KAZN: variants seen among roughly 807,000 people sequenced by gnomAD.
KAZN encodes the protein kazrin, periplakin interacting protein.
Under a neutral mutation model 87.4 loss-of-function variants are expected in KAZN, and 40 were observed. That is an observed-to-expected ratio of 0.46 (90% CI 0.36 to 0.60). KAZN has a LOEUF of 0.60. KAZN is among the 20% of genes least tolerant of loss of function. KAZN has a pLI of 0.00. For missense variants in KAZN, 898 were observed against 1,073.9 expected (o/e 0.84, Z 2.29); for synonymous variants, 466 against 458.3 (o/e 1.02, Z -0.22).
chr1:14,911,970 G>A (rs1038436361), intron 1 of KAZN, among the ~76,000 whole-genome samples: 3 of 151,980 alleles, frequency 2.0e-5, no homozygotes, highest in Non-Finnish European at 4.4e-5. Flanking sequence ...TGTCCAATAT[G>A]ATGGCACGTT....
chr1:14,361,715 C>T (rs906559066), intron 2 of KAZN, among the ~76,000 whole-genome samples: 1 of 152,250 alleles, frequency 6.6e-6, no homozygotes, highest in Non-Finnish European at 1.5e-5. Flanking sequence ...GTGGGCTGCA[C>T]CCACTGTCTG....
At chr1:14,757,496 G>A (rs1644602737) in intron 1 of KAZN, among the ~76,000 whole-genome samples, 1 of 152,178 alleles carries the variant, frequency 6.6e-6, no homozygotes, top group Non-Finnish European at 1.5e-5. Context: ...CTGAGCTTTA[G>A]TTTCCTCATC....
intron 2 of KAZN, among the ~76,000 whole-genome samples, chr1:14,524,756 T>C (rs980894428): frequency 6.6e-6 from 1 of 152,200 alleles, no homozygotes; most frequent in Non-Finnish European, 1.5e-5. Flanking sequence ...ATGTGAACAG[T>C]ACCTAAGGGG....
At chr1:15,010,865 T>A (rs1315517422) in intron 2 of KAZN, among the ~76,000 whole-genome samples, 1 of 152,178 alleles carries the variant, frequency 6.6e-6, no homozygotes, top group African/African-American at 2.4e-5. Context: ...ACTGGTAGAA[T>A]TCAAAAACGA....
chr1:14,403,280 A>G (rs1663572453), intron 2 of KAZN, among the ~76,000 whole-genome samples: 5 of 152,236 alleles, frequency 3.3e-5, no homozygotes, highest in Admixed American at 3.3e-4. Context: ...ATACTCAAAA[A>G]TTAAAACAGA....
At chr1:15,106,040 G>A in intron 13 of KAZN, among the ~76,000 whole-genome samples, 1 of 152,122 alleles carries the variant, frequency 6.6e-6, no homozygotes, top group Non-Finnish European at 1.5e-5. Flanking sequence ...AGCACTTTAG[G>A]AGGCGGAGGC....
At chr1:14,029,849 C>A in intron 1 of KAZN, among the ~76,000 whole-genome samples, 1 of 152,050 alleles carries the variant, frequency 6.6e-6, no homozygotes, top group Non-Finnish European at 1.5e-5. Flanking sequence ...TGTTTTGGTA[C>A]CAGTACCATG....
chr1:14,487,919 C>G (rs1448905016), intron 2 of KAZN, among the ~76,000 whole-genome samples: 3 of 152,174 alleles, frequency 2.0e-5, no homozygotes, highest in Non-Finnish European at 1.5e-5. Flanking sequence ...AGCAGTGATT[C>G]AGTTGGGATG....
chr1:13,995,686 G>A (rs1367153096), intron 1 of KAZN, among the ~76,000 whole-genome samples: 2 of 152,170 alleles, frequency 1.3e-5, no homozygotes, highest in Non-Finnish European at 2.9e-5. Flanking sequence ...GACTGGCCTA[G>A]CCTCTCAGCC....
chr1:14,045,498 C>G (rs1442927341), intron 1 of KAZN, among the ~76,000 whole-genome samples: 1 of 152,176 alleles, frequency 6.6e-6, no homozygotes. Flanking sequence ...ATTATATTTG[C>G]AAGTCACTTA....
upstream of KAZN, among the ~76,000 whole-genome samples, chr1:14,597,420 A>G (rs1676583099): frequency 6.6e-6 from 1 of 152,158 alleles, no homozygotes; most frequent in Non-Finnish European, 1.5e-5. Flanking sequence ...GGAACTTGCA[A>G]TCAGATGATT....
intron 2 of KAZN, among the ~76,000 whole-genome samples, chr1:14,224,838 A>T (rs1332760827): frequency 6.6e-6 from 1 of 152,244 alleles, no homozygotes; most frequent in Admixed American, 6.6e-5. Flanking sequence ...TTGCTCCCTT[A>T]AAATAAACTT....
intron 1 of KAZN, among the ~76,000 whole-genome samples, chr1:13,925,432 G>T (rs879383044): frequency 1.3e-5 from 2 of 152,190 alleles, no homozygotes; most frequent in Non-Finnish European, 2.9e-5. Context: ...GTTGGAAAAG[G>T]CCTCAATGTG....
intron 1 of KAZN, among the ~76,000 whole-genome samples, chr1:14,819,224 A>G (rs571252103): frequency 9.2e-5 from 14 of 152,338 alleles, no homozygotes; most frequent in Non-Finnish European, 1.8e-4. Flanking sequence ...TAAATCATTA[A>G]GAGTCCCTTG....
chr1:14,417,230 T>C (rs190621608), intron 2 of KAZN, among the ~76,000 whole-genome samples: 1 of 152,032 alleles, frequency 6.6e-6, no homozygotes, highest in African/African-American at 2.4e-5. Context: ...TCCTAGGTAC[T>C]TTCTGCATGT....
chr1:14,138,082 AGTGTGTGTGT>A (rs149980453), intron 1 of KAZN, among the ~76,000 whole-genome samples: 1 of 149,964 alleles, frequency 6.7e-6, no homozygotes, highest in African/African-American at 2.5e-5. Context: ...TAAATGTTAC[AGTGTGTGTGT>A]GTGTGTGTGT....
At chr1:13,934,153 A>G (rs1355084028) in intron 1 of KAZN, among the ~76,000 whole-genome samples, 1 of 152,232 alleles carries the variant, frequency 6.6e-6, no homozygotes, top group African/African-American at 2.4e-5. Context: ...GTAACAGCAA[A>G]GAATGATCAC....
At chr1:14,614,398 C>T (rs1678058432) in intron 1 of KAZN, among the ~76,000 whole-genome samples, 1 of 152,152 alleles carries the variant, frequency 6.6e-6, no homozygotes, top group Non-Finnish European at 1.5e-5. Context: ...ATTTCTCTTC[C>T]TTCGTGTTTG....
intron 2 of KAZN, among the ~76,000 whole-genome samples, chr1:14,542,310 G>A (rs1436059213): frequency 7.9e-6 from 1 of 126,908 alleles, no homozygotes; most frequent in Non-Finnish European, 1.6e-5. Flanking sequence ...GGGGGGAGGG[G>A]GGAGGGATAG....
Sources: gnomAD v4.1 joint callset for allele counts (sites outside exome capture counted in the v4.1 genomes callset) on GRCh38, gnomAD v4.1.1 for gene constraint, MANE v1.5 for transcripts, NCBI Gene and HGNC (gene_info 2026-07-23, HGNC 2026-07-21) for gene names.